Variants in MDGA2 observed in about 807,000 individuals in gnomAD.
MDGA2 encodes MAM domain-containing glycosylphosphatidylinositol anchor protein 2.
MDGA2 carries 40 observed loss-of-function variants against 117.8 expected under a neutral mutation model. That is an observed-to-expected ratio of 0.34 (90% CI 0.26 to 0.44). The LOEUF is 0.44. Among genes scored for constraint, MDGA2 ranks in the 20% least tolerant of loss-of-function variants. MDGA2 has a pLI of 1.00. For synonymous variants in MDGA2, 452 were observed against 439.0 expected, an observed-to-expected ratio of 1.03 and a Z score of -0.37; for missense variants, 1,123 against 1,250.6, an observed-to-expected ratio of 0.90 and a Z score of 1.54.
At position 46,935,308 on chromosome 14, in the gene MDGA2, C is replaced by T. The variant is rs372953919; in HGVS notation, c.2090-15148G>A. Among the ~76,000 whole-genome samples, 33 of 152,204 alleles carry T rather than the reference C, an allele frequency of 2.2e-4. No individual in the cohort carries two copies. In the South Asian group the frequency reaches 6.2e-3, roughly 29 times the overall value. On this transcript the variant is annotated intron_variant, in intron 9 of 16. Coordinates refer to ENST00000399232, the MANE Select transcript of MDGA2 (RefSeq NM_001113498.3). ...TAGGCACCGTGAGCACACTTTAGTT[C>T]TCTTACCAATCCAGCTCACCCTACA...
At chr14:47,265,791 T>C (rs925881385) in intron 2 of MDGA2, among the ~76,000 whole-genome samples, 16 of 152,152 alleles carry the variant, frequency 1.1e-4, no homozygotes, top group African/African-American at 3.9e-4. Context: ...AGGCCTTCCA[T>C]GTTAATACCA....
intron 8 of MDGA2, among the ~76,000 whole-genome samples, chr14:47,011,048 G>A (rs1482173234): frequency 6.6e-6 from 1 of 151,956 alleles, no homozygotes; most frequent in Admixed American, 6.6e-5. Flanking sequence ...ATGATTAGAA[G>A]TTTACTTTGG....
At chr14:46,970,413 T>G (rs1404123726) in intron 8 of MDGA2, among the ~76,000 whole-genome samples, 1 of 152,112 alleles carries the variant, frequency 6.6e-6, no homozygotes, top group Non-Finnish European at 1.5e-5. Context: ...TTCAGCCAAC[T>G]GACAATTTGT....
intron 1 of MDGA2, chr14:47,343,210 ATTTT>A: frequency 2.6e-6 from 3 of 1,134,610 alleles, no homozygotes; most frequent in Non-Finnish European, 3.3e-6. Context: ...AGGAATGGTG[ATTTT>A]TTTTGTTTGT....
chr14:47,528,319 A>G (rs1319405101), intron 1 of MDGA2, among the ~76,000 whole-genome samples: 1 of 152,234 alleles, frequency 6.6e-6, no homozygotes, highest in Non-Finnish European at 1.5e-5. Context: ...AGCATGCAGA[A>G]TAAAGCAGTA....
rs1335401412 is a variant in MDGA2 at position 47,553,098 on chromosome 14, C to T, written c.280+121419G>A. 3.3e-5 allele frequency among the ~76,000 whole-genome samples: 5 copies of T among 151,382 alleles called. No homozygotes were observed. The South Asian group carries it at 8.3e-4, about 25-fold the overall frequency. On this transcript the variant is annotated intron_variant, in intron 1 of 16. Coordinates refer to ENST00000399232, the MANE Select transcript of MDGA2 (RefSeq NM_001113498.3). ...AACCTGAGGCGGCCCTAACCTGAGG[C>T]GGCCCTAACCTCTGCTTTGGCACTC...
chr14:46,998,855 C>T lies in MDGA2; in HGVS notation c.1819+36156G>A, dbSNP rs78998579. Among the ~76,000 whole-genome samples, 116 of 152,048 alleles carry T rather than the reference C, an allele frequency of 7.6e-4. No individual in the cohort carries two copies. In the East Asian group the frequency reaches 0.02, roughly 26 times the overall value. ...TACAAATTGGACAAGGAATTTGATG[C>T]CTTCATTTCTAACCTTAATTTCCCT... On this transcript the variant is annotated intron_variant, in intron 8 of 16. Coordinates refer to ENST00000399232, the MANE Select transcript of MDGA2 (RefSeq NM_001113498.3).
chr14:47,614,614 G>A (rs1594944593), intron 1 of MDGA2, among the ~76,000 whole-genome samples: 1 of 152,124 alleles, frequency 6.6e-6, no homozygotes, highest in Admixed American at 6.5e-5. Flanking sequence ...AAAATGGCTA[G>A]AGATTTTAAA....
At chr14:47,003,526 T>C (rs1299782448) in intron 8 of MDGA2, among the ~76,000 whole-genome samples, 2 of 152,080 alleles carry the variant, frequency 1.3e-5, no homozygotes, top group Non-Finnish European at 2.9e-5. Flanking sequence ...GGTAGTGGTA[T>C]CTCACTGTGG....
intron 5 of MDGA2, among the ~76,000 whole-genome samples, chr14:47,115,045 T>C (rs1233622726): frequency 6.6e-6 from 1 of 150,560 alleles, no homozygotes; most frequent in Non-Finnish European, 1.5e-5. Flanking sequence ...ATGTAAAACA[T>C]AAGAAGTGGA....
rs1215398516 is a variant in MDGA2, at chr14:47,053,233, AC to A, written c.1525+8015del. Among the ~76,000 whole-genome samples the A allele has an allele frequency of 4.0e-5, 6 of 151,774 alleles. 1 individual carries two copies. The highest frequency in any genetic ancestry group is 7.4e-5 in the Non-Finnish European group (5 of 67,868). On this transcript the variant is annotated intron_variant, in intron 7 of 16. Transcript: ENST00000399232. ...TCTTCTTTTTTTATCATCTCCTTGG[AC>A]AGTAATAGCTTTGCTTCTTATTCTC... is the stretch of plus-strand genomic sequence containing the variant.
In MDGA2 at chr14:47,301,511, C is replaced by A. The variant is rs1462921148; in HGVS notation, c.320G>T (p.Cys107Phe). The change falls in exon 2 of 17, where the codon TGT becomes TTT. Residue 107 changes from cysteine to phenylalanine, a missense_variant. Cys to Phe is a radical substitution (Grantham distance 205). Around this residue, in one of 2 missense-constraint regions of MDGA2, gnomAD observed 233 missense variants for 200.3 expected, o/e 1.16. Coordinates refer to ENST00000399232, the MANE Select transcript of MDGA2 (RefSeq NM_001113498.3). ...TVRIVHSGLA[C>F]NIEEERYSER... ...GGAGTAGCGCTCCTCTTCAATGTTA[C>A]AGGCCAAGCCTGAGTGCACAATACG... 1.3e-6 allele frequency: 2 copies of A among 1,551,690 alleles called. No individual in the cohort carries two copies. The highest frequency in any genetic ancestry group is 8.7e-7 in the Non-Finnish European group (1 of 1,146,984).
intron 1 of MDGA2, among the ~76,000 whole-genome samples, chr14:47,369,841 AT>A (rs1220539374): frequency 6.6e-6 from 1 of 152,068 alleles, no homozygotes; most frequent in Non-Finnish European, 1.5e-5. Flanking sequence ...TCCCATTTAT[AT>A]ATTTGTAGCA....
At chr14:47,236,532 C>T (rs1886871216) in intron 2 of MDGA2, among the ~76,000 whole-genome samples, 1 of 151,940 alleles carries the variant, frequency 6.6e-6, no homozygotes, top group South Asian at 2.1e-4. Flanking sequence ...TAAAACAAAA[C>T]AAAAACAAAA....
In MDGA2 at chr14:46,841,864, C is replaced by T; in HGVS notation, c.*67G>A. 9.6e-7 allele frequency: 1 copy of T among 1,040,434 alleles called. No homozygotes were observed. Among genetic ancestry groups the T allele is most frequent in the Non-Finnish European group, 1.4e-6 (1 of 695,676 alleles). The allele number at this position is 1,040,434 out of a possible 1,614,324, so 64.5% of individuals were successfully genotyped here. On this transcript the variant is annotated 3_prime_UTR_variant, in exon 17 of 17. Coordinates refer to ENST00000399232, the MANE Select transcript of MDGA2 (RefSeq NM_001113498.3). ...TTTGGTAGTTTGTTTGTTCAATGTC[C>T]ATTTACAAAGACTCTTTCTTCATGC... is the stretch of plus-strand genomic sequence containing the variant.
intron 8 of MDGA2, among the ~76,000 whole-genome samples, chr14:46,978,115 ACAAAC>A (rs1886537036): frequency 6.6e-6 from 1 of 151,976 alleles, no homozygotes; most frequent in Non-Finnish European, 1.5e-5. Context: ...CAACAAAACA[ACAAAC>A]AAAACAAAAC....
intron 8 of MDGA2, among the ~76,000 whole-genome samples, chr14:46,985,726 C>T (rs779350489): frequency 3.3e-5 from 5 of 152,060 alleles, no homozygotes; most frequent in South Asian, 4.1e-4. Flanking sequence ...ACATTCAGGA[C>T]GGTAACATCT....
intron 2 of MDGA2, among the ~76,000 whole-genome samples, chr14:47,232,196 T>G (rs8012843): frequency 0.22 from 33,142 of 152,004 alleles, 4,277 homozygotes; most frequent in East Asian, 0.45. Flanking sequence ...AGATGTGCTT[T>G]GTAAAGCATC....
At chr14:47,043,122 T>C (rs1889136350) in intron 7 of MDGA2, among the ~76,000 whole-genome samples, 4 of 152,032 alleles carry the variant, frequency 2.6e-5, no homozygotes, top group African/African-American at 9.7e-5. Flanking sequence ...TATAACCGCG[T>C]GTCAATTTTT....
Sources: gnomAD v4.1 joint callset for allele counts (sites outside exome capture counted in the v4.1 genomes callset) on GRCh38, gnomAD v4.1.1 for gene constraint, gnomAD v4.1.1 regional missense constraint, MANE v1.5 for transcripts, NCBI Gene and HGNC (gene_info 2026-07-23, HGNC 2026-07-21) for gene names.